FAM135A: variants seen among roughly 807,000 people sequenced by gnomAD.
The protein encoded by FAM135A is family with sequence similarity 135 member A, also known as protein FAM135A.
FAM135A carries 79 observed loss-of-function variants against 146.8 expected under a neutral mutation model. The ratio of observed to expected loss-of-function variants is 0.54; its 90% CI spans 0.45 to 0.65. The LOEUF is 0.65. Among genes scored for constraint, FAM135A ranks in the 30% least tolerant of loss-of-function variants. FAM135A has a pLI of 0.00. For missense variants in FAM135A, 1,623 were observed against 1,758.2 expected (o/e 0.92, Z 1.38); for synonymous variants, 562 against 603.6 (o/e 0.93, Z 1.01).
At chr6:70,504,594 A>G (rs1789304009) in intron 12 of FAM135A, 1 of 152,210 alleles carries the variant, frequency 6.6e-6, no homozygotes, top group Admixed American at 6.5e-5. Flanking sequence ...TAAGTATTAA[A>G]TAAAATTCAG....
At chr6:70,452,444 T>C (rs898607337) in intron 4 of FAM135A, 48 bp from the exon 5 acceptor site, 4 of 1,416,424 alleles carry the variant, frequency 2.8e-6, no homozygotes, top group Non-Finnish European at 3.9e-6. Flanking sequence ...GGGCATTGCA[T>C]ATTTTTAAAT....
At chr6:70,419,299 G>A (rs1215992220) in intron 2 of FAM135A, among the ~76,000 whole-genome samples, 1 of 152,050 alleles carries the variant, frequency 6.6e-6, no homozygotes, top group African/African-American at 2.4e-5. Flanking sequence ...CACGCCTGTA[G>A]TCCCAGCTGC....
At chr6:70,538,798 ATGT>A (rs1225212845) in intron 20 of FAM135A, among the ~76,000 whole-genome samples, 4 of 119,916 alleles carry the variant, frequency 3.3e-5, no homozygotes, top group South Asian at 2.3e-4. Context: ...CCTTCATATT[ATGT>A]TATGTTATAT....
In FAM135A at chr6:70,526,552, G is replaced by A. The variant is rs554439163; in HGVS notation, c.3468G>A (p.Pro1156=). ...TVCTSGCLSF[P]SAPRESPCNV... is the part of the protein sequence containing the mutation. ...GTACTTCTGGTTGTTTGTCCTTCCC[G>A]TCTGCACCACGAGAGTCTCCTTGTA... is the stretch of plus-strand genomic sequence containing the variant. The change falls in exon 15 of 22, where the codon CCG becomes CCA. Residue 1156 remains proline, a synonymous_variant. Coordinates refer to ENST00000418814, the MANE Select transcript of FAM135A (RefSeq NM_001162529.3). 47 of 1,613,478 alleles carry A rather than the reference G, an allele frequency of 2.9e-5. No homozygotes were observed. In the South Asian group the frequency reaches 3.6e-4, roughly 12 times the overall value.
chr6:70,425,088 A>G (rs964127572), intron 2 of FAM135A, among the ~76,000 whole-genome samples: 1 of 148,524 alleles, frequency 6.7e-6, no homozygotes, highest in Non-Finnish European at 1.5e-5. Context: ...TATATATTCT[A>G]TATATCTAAT....
At chr6:70,499,710 G>C (rs1788068554) in intron 11 of FAM135A, among the ~76,000 whole-genome samples, 1 of 152,152 alleles carries the variant, frequency 6.6e-6, no homozygotes, top group Non-Finnish European at 1.5e-5. Context: ...TGTCTGTAAA[G>C]GATTTTATTT....
At chr6:70,509,702 C>T (rs189462873) in intron 12 of FAM135A, among the ~76,000 whole-genome samples, 1 of 152,186 alleles carries the variant, frequency 6.6e-6, no homozygotes, top group East Asian at 1.9e-4. Context: ...TTTTGTCATT[C>T]CCATTTTATA....
chr6:70,413,906 T>C, intron 1 of FAM135A: 2 of 985,288 alleles, frequency 2.0e-6, no homozygotes, highest in East Asian at 2.3e-4. Context: ...TGCGGAGCGC[T>C]CTGAGGGAGG....
At chr6:70,536,528 T>TA in intron 19 of FAM135A, 117 bp downstream of exon 19, 2 of 802,498 alleles carry the variant, frequency 2.5e-6, no homozygotes, top group East Asian at 3.3e-5. Context: ...TTTCGTGAAA[T>TA]AAAAAATGTA....
chr6:70,494,053 CAAAA>C (rs35693076), intron 11 of FAM135A, among the ~76,000 whole-genome samples: 11 of 81,982 alleles, frequency 1.3e-4, no homozygotes, highest in African/African-American at 3.5e-4. Flanking sequence ...GACTCTGTCT[CAAAA>C]AAAAAAAAAA....
chr6:70,502,667 T>G lies in FAM135A; in HGVS notation c.905T>G (p.Leu302Arg). The G allele has an allele frequency of 1.2e-6, 2 of 1,612,550 alleles. No individual in the cohort carries two copies. The highest frequency in any genetic ancestry group is 1.7e-6 in the Non-Finnish European group (2 of 1,179,306). The change falls in exon 12 of 22, where the codon CTT becomes CGT. Residue 302 changes from leucine to arginine, a missense_variant. Physicochemically the swap from Leu to Arg is moderately radical, Grantham distance 102 (BLOSUM62 -2). This residue lies in a region of FAM135A where 206 missense variants were observed against 194.7 expected (regional missense o/e 1.06). Transcript: ENST00000418814. ...GAGAATCCTGATGAACTGGCAGAAC[T>G]TATAAATATGAATCTTGCGCAACTT... Reference protein sequence around the residue: ...KIENPDELAELINMNLAQLCS... With the variant: ...KIENPDELAERINMNLAQLCS...
At position 70,524,153 on chromosome 6, in the gene FAM135A, A is replaced by G. The variant is rs373407754; in HGVS notation, c.1258+32A>G. 41 of 1,563,194 alleles carry G rather than the reference A, an allele frequency of 2.6e-5. No individual in the cohort carries two copies. The African/African-American group carries it at 5.1e-4, about 19-fold the overall frequency. ...GTAATCTAACTAAAATATACAAGCT[A>G]TGTGTATAGTTTTCAGTATATTCTT... On this transcript the variant is annotated intron_variant, in intron 14 of 21. Coordinates refer to ENST00000418814, the MANE Select transcript of FAM135A (RefSeq NM_001162529.3).
chr6:70,449,475 A>AT (rs1776569306), intron 4 of FAM135A, among the ~76,000 whole-genome samples: 1 of 152,132 alleles, frequency 6.6e-6, no homozygotes, highest in Non-Finnish European at 1.5e-5. Context: ...AGATTTTTAG[A>AT]TTCTACATGT....
intron 5 of FAM135A, among the ~76,000 whole-genome samples, chr6:70,471,346 G>T (rs1471097002): frequency 6.6e-6 from 1 of 152,064 alleles, no homozygotes; most frequent in Non-Finnish European, 1.5e-5. Flanking sequence ...AAAGGAGTAG[G>T]GTTCATGGAA....
chr6:70,540,798 TC>T (rs1797781177), intron 20 of FAM135A, among the ~76,000 whole-genome samples: 2 of 152,286 alleles, frequency 1.3e-5, no homozygotes, highest in South Asian at 4.1e-4. Flanking sequence ...TTTGATCTCT[TC>T]CAAAAAAGAT....
chr6:70,487,806 C>T (rs1387311721), intron 10 of FAM135A, among the ~76,000 whole-genome samples: 1 of 152,070 alleles, frequency 6.6e-6, no homozygotes, highest in Non-Finnish European at 1.5e-5. Context: ...TACATGTGAG[C>T]ATTCTAAATA....
At chr6:70,556,019 G>A (rs749373758) in intron 20 of FAM135A, among the ~76,000 whole-genome samples, 3 of 151,994 alleles carry the variant, frequency 2.0e-5, no homozygotes, top group Non-Finnish European at 4.4e-5. Context: ...TTTGAGAGGT[G>A]GGCAGATCAC....
chr6:70,442,283 G>C (rs1774728378), intron 4 of FAM135A, among the ~76,000 whole-genome samples: 1 of 140,156 alleles, frequency 7.1e-6, no homozygotes, highest in Non-Finnish European at 1.5e-5. Flanking sequence ...GTGAGGAATA[G>C]GCAGTCAAAA....
intron 4 of FAM135A, among the ~76,000 whole-genome samples, chr6:70,450,713 G>GTTTTTTTTTTTTTTTTTTT (rs1192559967): frequency 6.7e-5 from 2 of 29,780 alleles, no homozygotes; most frequent in Non-Finnish European, 2.0e-4. Context: ...GACCCTTTTA[G>GTTTTTTTTTTTTTTTTTTT]TTGTTTTTTT....
Sources: gnomAD v4.1 joint callset for allele counts (sites outside exome capture counted in the v4.1 genomes callset) on GRCh38, gnomAD v4.1.1 for gene constraint, gnomAD v4.1.1 regional missense constraint, MANE v1.5 for transcripts, NCBI Gene and HGNC (gene_info 2026-07-23, HGNC 2026-07-21) for gene names.